RP1L1: variants seen among roughly 807,000 people sequenced by gnomAD.
RP1L1 encodes the protein RP1 like 1.
A neutral mutation model predicts 15.7 loss-of-function variants in RP1L1; 27 were observed. That is an observed-to-expected ratio of 1.72 (90% CI 1.27 to 2.38). The LOEUF (loss-of-function observed/expected upper bound fraction) is 2.38, where lower values mean the gene tolerates loss of function less well. Ranked by LOEUF, RP1L1 falls within the 30% of genes most tolerant of loss-of-function variation. RP1L1 has a pLI of 0.00. For synonymous variants in RP1L1, 1,813 were observed against 1,276.7 expected, an observed-to-expected ratio of 1.42 and a Z score of -8.96; for missense variants, 4,798 against 3,075.9, an observed-to-expected ratio of 1.56 and a Z score of -13.24.
At chr8:10,651,697 C>T (rs971778452) in intron 1 of RP1L1, among the ~76,000 whole-genome samples, 2 of 148,440 alleles carry the variant, frequency 1.3e-5, no homozygotes, top group African/African-American at 5.0e-5. Flanking sequence ...GCGGAGGCTG[C>T]AGTGAGCCGA....
Position 10,649,450 on chromosome 8 carries a change from C to T in RP1L1, c.-20+5448G>A, listed in dbSNP as rs575536503. On this transcript the variant is annotated intron_variant, in intron 1 of 3. Coordinates refer to ENST00000382483, the MANE Select transcript of RP1L1 (RefSeq NM_178857.6). ...AATACCCATGGCTAGCTGAGTCCCA[C>T]CCGCTGTGGTCTCACTCTGACCCAG... Among the ~76,000 whole-genome samples the T allele has an allele frequency of 3.3e-5, 5 of 152,324 alleles. No individual in the cohort carries two copies. In the East Asian group the frequency reaches 9.6e-4, roughly 29 times the overall value.
chr8:10,616,786 C>A (rs1797973976), intron 2 of RP1L1, among the ~76,000 whole-genome samples, 199 bp from the exon 3 acceptor site: 10 of 152,192 alleles, frequency 6.6e-5, no homozygotes, highest in Admixed American at 6.5e-4. Context: ...GTCCCACCAC[C>A]ACGATCTCCC....
intron 2 of RP1L1, among the ~76,000 whole-genome samples, chr8:10,616,827 G>A (rs996653472): frequency 6.6e-5 from 10 of 152,276 alleles, no homozygotes; most frequent in East Asian, 3.9e-4. Context: ...TCCACCAGGC[G>A]TGAGGCCCGT....
intron 2 of RP1L1, among the ~76,000 whole-genome samples, chr8:10,617,831 C>T (rs894977719): frequency 2.6e-5 from 4 of 152,178 alleles, no homozygotes; most frequent in Non-Finnish European, 5.9e-5. Context: ...GCTGGGATTA[C>T]AGGCGTGAGC....
At chr8:10,643,402 T>C (rs1798434383) in intron 1 of RP1L1, among the ~76,000 whole-genome samples, 1 of 152,182 alleles carries the variant, frequency 6.6e-6, no homozygotes, top group African/African-American at 2.4e-5. Context: ...GGCTGAGACG[T>C]ACCTGGTACA....
intron 2 of RP1L1, among the ~76,000 whole-genome samples, chr8:10,619,287 G>A (rs1341847240): frequency 6.6e-6 from 1 of 152,238 alleles, no homozygotes; most frequent in African/African-American, 2.4e-5. Flanking sequence ...ATGGAACGTG[G>A]CAGCGAAGCA....
intron 1 of RP1L1, among the ~76,000 whole-genome samples, chr8:10,627,062 GA>G (rs1798169774): frequency 6.6e-6 from 1 of 152,224 alleles, no homozygotes; most frequent in Admixed American, 6.5e-5. Flanking sequence ...GGCTGCTGTA[GA>G]AAACAGTATG....
rs761545193 is a variant in RP1L1 at position 10,610,241 on chromosome 8, C to G, written c.3857G>C (p.Ser1286Thr). Residue 1286 changes from serine (S) to threonine (T), a missense_variant, in exon 4 of 4, where the codon AGC (serine) becomes ACC (threonine). Coordinates refer to ENST00000382483, the MANE Select transcript of RP1L1 (RefSeq NM_178857.6). ...TTCAGCTAACTGCTCCAGGTTCGAG[C>G]TCGCCCTCTGCTCCTCACTGTCTCT... ...AERDSEEQRA[S>T]SNLEQLAENT... 2 of 1,613,574 alleles carry G rather than the reference C, an allele frequency of 1.2e-6. No homozygotes were observed. The highest frequency in any genetic ancestry group is 1.7e-6 in the Non-Finnish European group (2 of 1,179,960).
At chr8:10,648,804 C>T in intron 1 of RP1L1, among the ~76,000 whole-genome samples, 1 of 152,198 alleles carries the variant, frequency 6.6e-6, no homozygotes, top group East Asian at 1.9e-4. Context: ...CACCACACAC[C>T]CAGGGGAATC....
At chr8:10,635,752 CTT>C (rs911545755) in intron 1 of RP1L1, among the ~76,000 whole-genome samples, 1 of 152,198 alleles carries the variant, frequency 6.6e-6, no homozygotes, top group African/African-American at 2.4e-5. Context: ...ATGTGGGAGA[CTT>C]TTGTACCATT....
intron 1 of RP1L1, among the ~76,000 whole-genome samples, chr8:10,635,049 G>A (rs1469311768): frequency 2.0e-5 from 3 of 152,192 alleles, no homozygotes; most frequent in Admixed American, 1.3e-4. Flanking sequence ...GAGCTTTGCC[G>A]CATTAACATG....
rs762528365 is a variant in RP1L1 at position 10,612,722 on chromosome 8, G to T, written c.1376C>A (p.Thr459Asn). ...TGGCTCCGAGCCCTCGGGGAGGCCGGTGCTGGAGGCTGGGCTGGCACTGTC... is the reference window on the plus strand; with the variant it reads ...TGGCTCCGAGCCCTCGGGGAGGCCGTTGCTGGAGGCTGGGCTGGCACTGTC... ...SQDSASPASS[T>N]GLPEGSEPES... Residue 459 changes from threonine (T) to asparagine (N), a missense_variant, in exon 4 of 4, where the codon ACC (threonine) becomes AAC (asparagine). Transcript: ENST00000382483. The T allele has an allele frequency of 5.0e-6, 8 of 1,605,780 alleles. No homozygotes were observed. In the African/African-American group the frequency reaches 1.1e-4, roughly 21 times the overall value.
At chr8:10,649,962 C>A (rs554516919) in intron 1 of RP1L1, among the ~76,000 whole-genome samples, 7 of 152,296 alleles carry the variant, frequency 4.6e-5, no homozygotes, top group Admixed American at 6.5e-5. Context: ...CCTCTCCCAG[C>A]CACAGGAGTT....
At chr8:10,638,578 TA>T (rs200928453) in intron 1 of RP1L1, among the ~76,000 whole-genome samples, 4 of 150,886 alleles carry the variant, frequency 2.7e-5, no homozygotes, top group Admixed American at 6.6e-5. Flanking sequence ...ACCCCATCTC[TA>T]AAAAAAAATA....
At chr8:10,617,034 T>C (rs1171116320) in intron 2 of RP1L1, among the ~76,000 whole-genome samples, 1 of 152,146 alleles carries the variant, frequency 6.6e-6, no homozygotes, top group Non-Finnish European at 1.5e-5. Context: ...AATCTGTGTT[T>C]TCTGGTACAG....
Position 10,611,740 on chromosome 8 carries a change from T to C in RP1L1, c.2358A>G (p.Lys786=). ...CTTCCCCCAGGCTGGCAGCCCCAGA[T>C]TTTGAGCAGGAGTCGGATGTGTGGG... ...IPPHTSDSCS[K]SGAASLGEEA... is the part of the protein sequence containing the mutation. The change falls in exon 4 of 4, where the codon AAA becomes AAG. Residue 786 remains lysine, a synonymous_variant. Coordinates refer to ENST00000382483, the MANE Select transcript of RP1L1 (RefSeq NM_178857.6). 6.2e-7 allele frequency: 1 copy of C among 1,613,532 alleles called. No individual in the cohort carries two copies. The highest frequency in any genetic ancestry group is 8.5e-7 in the Non-Finnish European group (1 of 1,179,932).
Position 10,611,410 on chromosome 8 carries a change from G to A in RP1L1, c.2688C>T (p.Gly896=), listed in dbSNP as rs374226153. 2.5e-6 allele frequency: 4 copies of A among 1,593,480 alleles called. No homozygotes were observed. The highest frequency in any genetic ancestry group is 3.5e-5 in the Admixed American group (2 of 57,230). ...AATTGGGGCCTGGGGACGGCGTGGGGCCTGGCTGGCGTGTCCCCTCCTGCG... is the reference window on the plus strand; with the variant it reads ...AATTGGGGCCTGGGGACGGCGTGGGACCTGGCTGGCGTGTCCCCTCCTGCG... The part of the protein sequence containing the change: ...GSPQEGTRQP[G]PTPSPGPNSG... The change falls in exon 4 of 4, where the codon GGC becomes GGT. Residue 896 remains glycine, a synonymous_variant. Coordinates refer to ENST00000382483, the MANE Select transcript of RP1L1 (RefSeq NM_178857.6).
chr8:10,636,765 C>T (rs1422123158), intron 1 of RP1L1, among the ~76,000 whole-genome samples: 2 of 152,226 alleles, frequency 1.3e-5, no homozygotes, highest in Non-Finnish European at 2.9e-5. Flanking sequence ...AGGTTACTCC[C>T]AGCCGGGCCT....
At chr8:10,625,588 C>T (rs1798143934) in intron 1 of RP1L1, among the ~76,000 whole-genome samples, 1 of 152,162 alleles carries the variant, frequency 6.6e-6, no homozygotes, top group East Asian at 1.9e-4. Context: ...CCCAGCCAAG[C>T]CTCATGACTG....
Sources: gnomAD v4.1 joint callset for allele counts (sites outside exome capture counted in the v4.1 genomes callset) on GRCh38, gnomAD v4.1.1 for gene constraint, MANE v1.5 for transcripts, NCBI Gene and HGNC (gene_info 2026-07-23, HGNC 2026-07-21) for gene names.